The following R3HDM2 variants were observed in gnomAD, a reference collection of about 807,000 sequenced individuals.
R3HDM2 encodes the protein R3H domain containing 2, also known as R3H domain-containing protein 2.
R3HDM2 carries 38 observed loss-of-function variants against 124.5 expected under a neutral mutation model. That is an observed-to-expected ratio of 0.31 (90% CI 0.24 to 0.40). The LOEUF (loss-of-function observed/expected upper bound fraction) is 0.40. Ranked by LOEUF, R3HDM2 falls within the 10% of genes least tolerant of loss-of-function variation. The probability of loss-of-function intolerance (pLI) is 1.00; values close to 1 mark genes in which losing one functional copy is unlikely to be tolerated. For missense variants in R3HDM2, 869 were observed against 1,236.9 expected, an observed-to-expected ratio of 0.70 and a Z score of 4.46; for synonymous variants, 391 against 448.0, an observed-to-expected ratio of 0.87 and a Z score of 1.61.
Position 57,402,877 on chromosome 12 carries a change from T to G in R3HDM2, c.-105-7059A>C, listed in dbSNP as rs115007522. 1.5e-3 allele frequency among the ~76,000 whole-genome samples: 234 copies of G among 152,272 alleles called. 1 individual carries two copies. Among genetic ancestry groups the G allele is most frequent in the African/African-American group, 5.3e-3 (221 of 41,552 alleles). On this transcript the variant is annotated intron_variant, in intron 1 of 23. Coordinates refer to ENST00000402412, the MANE Select transcript of R3HDM2 (RefSeq NM_001394031.1). ...CAGCCAAAAATAAGGAAATTCTTGA[T>G]GTATAATACTTAAAAGCTATATTGC...
chr12:57,429,537 G>A (rs1869097046), intron 1 of R3HDM2, among the ~76,000 whole-genome samples: 1 of 152,102 alleles, frequency 6.6e-6, no homozygotes, highest in African/African-American at 2.4e-5. Context: ...AGCCTGGGCA[G>A]CAAGGTGAAA....
intron 2 of R3HDM2, among the ~76,000 whole-genome samples, chr12:57,388,594 T>C (rs1213061457): frequency 6.6e-6 from 1 of 152,152 alleles, no homozygotes; most frequent in African/African-American, 2.4e-5. Flanking sequence ...CTTGCATTTT[T>C]CTATCAGCTG....
Position 57,269,767 on chromosome 12 carries a change from C to T in R3HDM2, c.1572G>A (p.Met524Ile), listed in dbSNP as rs775433769. Residue 524 changes from methionine (M) to isoleucine (I), a missense_variant, in exon 15 of 24, where the codon ATG becomes ATA. By Grantham distance (10) the Met-to-Ile change is conservative. This residue lies in a region of R3HDM2 where 602 missense variants were observed against 789.2 expected (regional missense o/e 0.76). Transcript: ENST00000402412. Reference protein sequence around the residue: ...TQQVLPPQGYMQPPQQIQVSY... With the variant: ...TQQVLPPQGYIQPPQQIQVSY... ...AGCTGCTCACCTGTTGAGGGGGCTG[C>T]ATGTACCCCTGGGGTGGCAGAACTT... 10 of 1,614,122 alleles carry T rather than the reference C, an allele frequency of 6.2e-6. No homozygotes were observed. The highest frequency in any genetic ancestry group is 6.8e-6 in the Non-Finnish European group (8 of 1,180,014).
intron 2 of R3HDM2, among the ~76,000 whole-genome samples, chr12:57,376,315 C>T (rs7971133): frequency 0.19 from 28,408 of 152,254 alleles, 3,131 homozygotes; most frequent in Admixed American, 0.28. Context: ...TGGATTTCTT[C>T]TCATCTCAAA....
chr12:57,409,188 A>G (rs1158693627), intron 1 of R3HDM2, among the ~76,000 whole-genome samples: 1 of 152,150 alleles, frequency 6.6e-6, no homozygotes, highest in Non-Finnish European at 1.5e-5. Flanking sequence ...AAGTTGTCTC[A>G]AAAAACCTTG....
rs775839017 is a variant in R3HDM2 at position 57,371,083 on chromosome 12, C to CTTTTTTTTTTTTTTTTTTT, written c.-36+24647_-36+24665dup. On this transcript the variant is annotated intron_variant, in intron 2 of 23. Coordinates refer to ENST00000402412, the MANE Select transcript of R3HDM2 (RefSeq NM_001394031.1). ...AATGGGAACCAAATATATACCATTA[C>CTTTTTTTTTTTTTTTTTTT]TTTTTTTTTTTTTTTTTTTTTTTTT... 1.2e-4 allele frequency among the ~76,000 whole-genome samples: 5 copies of CTTTTTTTTTTTTTTTTTTT among 40,898 alleles called. 1 individual carries two copies. The highest frequency in any genetic ancestry group is 1.8e-4 in the Non-Finnish European group (4 of 22,794). 26.8% of individuals were successfully genotyped at this position (40,898 alleles called of 152,430 possible).
chr12:57,354,583 T>G (rs1185070264), intron 2 of R3HDM2, among the ~76,000 whole-genome samples: 1 of 151,794 alleles, frequency 6.6e-6, no homozygotes, highest in Non-Finnish European at 1.5e-5. Flanking sequence ...AGTGAGCCAC[T>G]GCACCCTGCC....
chr12:57,276,124 C>T (rs1052376018), intron 14 of R3HDM2, among the ~76,000 whole-genome samples: 6 of 149,002 alleles, frequency 4.0e-5, no homozygotes, highest in African/African-American at 7.5e-5. Context: ...GGCTGAGGCA[C>T]GAGAATGGCA....
intron 2 of R3HDM2, among the ~76,000 whole-genome samples, chr12:57,324,223 GCCC>G (rs2056919289): frequency 6.6e-6 from 1 of 152,088 alleles, no homozygotes; most frequent in African/African-American, 2.4e-5. Context: ...CACTCTTGTT[GCCC>G]AGGCTAGAGT....
At chr12:57,318,635 G>A (rs1177737039) in intron 2 of R3HDM2, among the ~76,000 whole-genome samples, 1 of 149,518 alleles carries the variant, frequency 6.7e-6, no homozygotes, top group Non-Finnish European at 1.5e-5. Flanking sequence ...GCAAACAAGC[G>A]AGACTCCATC....
intron 2 of R3HDM2, among the ~76,000 whole-genome samples, chr12:57,327,910 G>A (rs2057532456): frequency 6.6e-6 from 1 of 152,184 alleles, no homozygotes; most frequent in Admixed American, 6.5e-5. Context: ...AAAGGATTTA[G>A]AATATTACAT....
chr12:57,359,126 A>C (rs2061607321), intron 2 of R3HDM2, among the ~76,000 whole-genome samples: 1 of 152,114 alleles, frequency 6.6e-6, no homozygotes, highest in South Asian at 2.1e-4. Context: ...CATGTTGGCC[A>C]GGCTGGTCTT....
intron 3 of R3HDM2, among the ~76,000 whole-genome samples, chr12:57,306,496 C>T (rs982297738): frequency 9.2e-5 from 14 of 151,686 alleles, no homozygotes; most frequent in Non-Finnish European, 1.3e-4. Context: ...GCAACCTCCG[C>T]CTCCTGGGTT....
chr12:57,311,758 T>A (rs2053965916), intron 2 of R3HDM2, among the ~76,000 whole-genome samples: 1 of 152,192 alleles, frequency 6.6e-6, no homozygotes, highest in Non-Finnish European at 1.5e-5. Flanking sequence ...ATTGGGTCCC[T>A]CCCTGGAGGA....
At chr12:57,280,721 C>T (rs2045924436) in intron 13 of R3HDM2, among the ~76,000 whole-genome samples, 191 bp from the exon 14 acceptor site, 1 of 152,194 alleles carries the variant, frequency 6.6e-6, no homozygotes, top group African/African-American at 2.4e-5. Context: ...TGATGCCAGT[C>T]CTCCTCTTTG....
chr12:57,423,476 T>C (rs1033965680), intron 1 of R3HDM2, among the ~76,000 whole-genome samples: 8 of 150,494 alleles, frequency 5.3e-5, no homozygotes, highest in African/African-American at 1.7e-4. Context: ...CCCATATTCT[T>C]CCCATTGATT....
intron 14 of R3HDM2, among the ~76,000 whole-genome samples, chr12:57,271,736 A>G (rs2043632731): frequency 6.6e-6 from 1 of 152,244 alleles, no homozygotes; most frequent in Non-Finnish European, 1.5e-5. Flanking sequence ...GTTATCAACT[A>G]TGAGGCAAAT....
chr12:57,315,480 C>A (rs539527122), intron 2 of R3HDM2, among the ~76,000 whole-genome samples: 1 of 152,282 alleles, frequency 6.6e-6, no homozygotes. Flanking sequence ...CAAGGCACAG[C>A]AGTGGTTTGT....
intron 21 of R3HDM2, among the ~76,000 whole-genome samples, chr12:57,257,278 C>A (rs538788431): frequency 6.6e-6 from 1 of 152,018 alleles, no homozygotes; most frequent in African/African-American, 2.4e-5. Flanking sequence ...TATGATCTAA[C>A]GTTGGGTATT....
Sources: gnomAD v4.1 joint callset for allele counts (sites outside exome capture counted in the v4.1 genomes callset) on GRCh38, gnomAD v4.1.1 for gene constraint, gnomAD v4.1.1 regional missense constraint, MANE v1.5 for transcripts, NCBI Gene and HGNC (gene_info 2026-07-23, HGNC 2026-07-21) for gene names.